PDE1C: variants seen among roughly 807,000 people sequenced by gnomAD.
PDE1C encodes phosphodiesterase 1C.
In PDE1C, 62 loss-of-function variants were observed where a neutral mutation model predicts 93.1. The observed-to-expected ratio is 0.67, with a 90% CI of 0.54 to 0.82. The LOEUF is 0.82. Ranked by LOEUF, PDE1C falls within the 40% of genes least tolerant of loss-of-function variation. The pLI is 0.00. For missense variants in PDE1C, 742 were observed against 884.6 expected (o/e 0.84, Z 2.04); for synonymous variants, 325 against 310.1 (o/e 1.05, Z -0.50).
At chr7:31,696,427 G>A in the PDE1C span, among the ~76,000 whole-genome samples, 1 of 152,202 alleles carries the variant, frequency 6.6e-6, no homozygotes, top group South Asian at 2.1e-4. Context: ...CTCAGTGTGG[G>A]TAGTGAATTG....
At chr7:31,846,958 C>T (rs10951310) in intron 9 of PDE1C, among the ~76,000 whole-genome samples, 25,523 of 152,038 alleles carry the variant, frequency 0.17, 2,244 homozygotes, top group Middle Eastern at 0.24. Context: ...CAGTAAAGTT[C>T]ATTTCTCTAA....
intron 9 of PDE1C, among the ~76,000 whole-genome samples, chr7:31,841,319 T>G (rs893215028): frequency 1.3e-5 from 2 of 151,686 alleles, no homozygotes; most frequent in Non-Finnish European, 2.9e-5. Context: ...CCTTGCAAAA[T>G]TCATTATCGG....
At chr7:31,968,781 A>C (rs183971077) in intron 2 of PDE1C, among the ~76,000 whole-genome samples, 2,018 of 152,296 alleles carry the variant, frequency 0.013, 29 homozygotes, top group South Asian at 0.073. Context: ...ACCAAAACAG[A>C]GATATAGACA....
chr7:32,424,926 A>G (rs1303580304), intron 1 of PDE1C, among the ~76,000 whole-genome samples: 1 of 152,216 alleles, frequency 6.6e-6, no homozygotes, highest in Non-Finnish European at 1.5e-5. Flanking sequence ...AGGTAAGAAC[A>G]CAAGTTTTAG....
At chr7:31,698,693 A>G in the PDE1C span, among the ~76,000 whole-genome samples, 1 of 152,256 alleles carries the variant, frequency 6.6e-6, no homozygotes, top group Non-Finnish European at 1.5e-5. Context: ...GTCAATAACC[A>G]TATAGATTAA....
At chr7:32,318,876 T>C (rs528068458) in intron 1 of PDE1C, among the ~76,000 whole-genome samples, 5 of 152,292 alleles carry the variant, frequency 3.3e-5, no homozygotes, top group African/African-American at 1.2e-4. Flanking sequence ...TGGAAACGCT[T>C]AGGAAACTCC....
At chr7:32,280,009 C>T (rs1448048950) in intron 1 of PDE1C, among the ~76,000 whole-genome samples, 1 of 152,074 alleles carries the variant, frequency 6.6e-6, no homozygotes, top group Non-Finnish European at 1.5e-5. Flanking sequence ...CAGAATGATC[C>T]CACGGCAAAT....
At chr7:32,112,458 C>A (rs540580536) in intron 3 of PDE1C, among the ~76,000 whole-genome samples, 1 of 152,050 alleles carries the variant, frequency 6.6e-6, no homozygotes, top group East Asian at 1.9e-4. Context: ...TTTTAGTTTT[C>A]TTTTTTTAGT....
At chr7:32,367,554 G>A (rs1341749981) in intron 1 of PDE1C, among the ~76,000 whole-genome samples, 1 of 152,170 alleles carries the variant, frequency 6.6e-6, no homozygotes, top group Non-Finnish European at 1.5e-5. Context: ...TGAAAGTAAA[G>A]AGATGAAAAA....
rs763131623 is a variant in PDE1C, at chr7:31,823,230, C to T, written c.1425G>A (p.Ser475=). 6.5e-5 allele frequency: 105 copies of T among 1,607,288 alleles called. No homozygotes were observed. The highest frequency in any genetic ancestry group is 3.4e-4 in the Admixed American group (20 of 58,322). ...QRRSSLNSIS[S]SDAKRSGVKT... ...TGACACCTGATCGCTTGGCATCTGACGAGCTGATGCTATTCAAACTGGAAA... is the reference window on the plus strand; with the variant it reads ...TGACACCTGATCGCTTGGCATCTGATGAGCTGATGCTATTCAAACTGGAAA... The change falls in exon 14 of 18, where the codon TCG becomes TCA. Residue 475 remains serine (S), a synonymous_variant. Transcript: ENST00000396191.
At chr7:31,866,136 G>C (rs2128842983) in intron 6 of PDE1C, among the ~76,000 whole-genome samples, 1 of 152,006 alleles carries the variant, frequency 6.6e-6, no homozygotes, top group African/African-American at 2.4e-5. Context: ...ATGGTTCAGG[G>C]TAAATTATAC....
chr7:31,905,501 C>CA (rs1248986884), intron 2 of PDE1C, among the ~76,000 whole-genome samples: 1 of 151,990 alleles, frequency 6.6e-6, no homozygotes, highest in Non-Finnish European at 1.5e-5. Context: ...ACTTTAGAGC[C>CA]AAAAAACAAT....
chr7:32,275,082 G>T (rs1338634902), intron 1 of PDE1C, among the ~76,000 whole-genome samples: 2 of 152,084 alleles, frequency 1.3e-5, no homozygotes, highest in African/African-American at 4.8e-5. Context: ...AGAGATTATT[G>T]CTTGAAGTCA....
chr7:32,364,389 G>C (rs1784191000), intron 1 of PDE1C, among the ~76,000 whole-genome samples: 1 of 152,194 alleles, frequency 6.6e-6, no homozygotes, highest in Admixed American at 6.5e-5. Context: ...GAGTGTACCT[G>C]TGGTAACTGG....
chr7:32,092,656 T>C (rs913467066), intron 3 of PDE1C, among the ~76,000 whole-genome samples: 1 of 152,216 alleles, frequency 6.6e-6, no homozygotes, highest in Non-Finnish European at 1.5e-5. Context: ...AAGCAGAAAT[T>C]ACCAAAGGTT....
At chr7:32,259,879 T>G (rs576268552) in intron 1 of PDE1C, among the ~76,000 whole-genome samples, 1 of 152,038 alleles carries the variant, frequency 6.6e-6, no homozygotes, top group African/African-American at 2.4e-5. Context: ...TCTCAAAACC[T>G]CCAGCTACAG....
intron 1 of PDE1C, among the ~76,000 whole-genome samples, chr7:32,361,333 C>T (rs2128085354): frequency 6.6e-6 from 1 of 152,336 alleles, no homozygotes; most frequent in East Asian, 1.9e-4. Flanking sequence ...ATCCCAGCCC[C>T]TTCATCCCTG....
At chr7:31,702,949 A>T in the PDE1C span, among the ~76,000 whole-genome samples, 1 of 152,224 alleles carries the variant, frequency 6.6e-6, no homozygotes, top group African/African-American at 2.4e-5. Flanking sequence ...GAGTCATCCC[A>T]GTATACGAAA....
At chr7:31,692,660 C>A in the PDE1C span, 4 of 729,414 alleles carry the variant, frequency 5.5e-6, no homozygotes, top group African/African-American at 5.3e-5. Context: ...ACAGCCAACA[C>A]CAGATGGGCA....
Sources: allele counts gnomAD v4.1 joint callset (sites outside exome capture counted in the v4.1 genomes callset), GRCh38; gene constraint gnomAD v4.1.1; transcripts MANE v1.5; gene names NCBI Gene and HGNC (gene_info 2026-07-23, HGNC 2026-07-21).